Variants in SDCCAG8 observed in about 807,000 individuals in gnomAD.
The protein encoded by SDCCAG8 is SHH signaling and ciliogenesis regulator SDCCAG8, also known as serologically defined colon cancer antigen 8.
Under a neutral mutation model 101.8 loss-of-function variants are expected in SDCCAG8, and 74 were observed. That is an observed-to-expected ratio of 0.73 (90% CI 0.60 to 0.88). The LOEUF (loss-of-function observed/expected upper bound fraction) is 0.88, where lower values mean the gene tolerates loss of function less well. Among genes scored for constraint, SDCCAG8 ranks in the 40% least tolerant of loss-of-function variants. The probability of loss-of-function intolerance (pLI) is 0.00; values close to 1 mark genes in which losing one functional copy is unlikely to be tolerated. For missense variants in SDCCAG8, 787 were observed against 822.6 expected, an observed-to-expected ratio of 0.96 and a Z score of 0.53; for synonymous variants, 281 against 292.9, an observed-to-expected ratio of 0.96 and a Z score of 0.41.
intron 1 of SDCCAG8, 24 bp downstream of exon 1, chr1:243,256,264 C>T (rs748611172): frequency 6.2e-7 from 1 of 1,610,622 alleles, no homozygotes; most frequent in Non-Finnish European, 8.5e-7. Flanking sequence ...AACCTCTGTC[C>T]CTAGCCCCGA....
At position 243,489,067 on chromosome 1, in the gene SDCCAG8, T is replaced by A; in HGVS notation, c.2039T>A (p.Leu680His). ...GCCACAGCCCAGCAGCTGGTGCAGC[T>A]CCTCAGCAAGCAGAACCAGCTTCTC... ...SQATAQQLVQ[L>H]LSKQNQLLLE... The change falls in exon 17 of 18, where the codon CTC becomes CAC. Residue 680 changes from leucine (L) to histidine (H), a missense_variant. Transcript: ENST00000366541. The A allele has an allele frequency of 6.2e-7, 1 of 1,613,368 alleles. No individual in the cohort carries two copies. Among genetic ancestry groups the A allele is most frequent in the Non-Finnish European group, 8.5e-7 (1 of 1,180,006 alleles).
At chr1:243,292,812 T>C (rs1281979117) in intron 5 of SDCCAG8, among the ~76,000 whole-genome samples, 3 of 152,230 alleles carry the variant, frequency 2.0e-5, no homozygotes, top group Non-Finnish European at 2.9e-5. Flanking sequence ...AGTATATGTC[T>C]TCAGAGGAGT....
At chr1:243,303,395 A>G (rs2149312905) in intron 6 of SDCCAG8, among the ~76,000 whole-genome samples, 1 of 151,804 alleles carries the variant, frequency 6.6e-6, no homozygotes, top group African/African-American at 2.4e-5. Context: ...AGTGAGACAG[A>G]AATTACCACG....
intron 16 of SDCCAG8, among the ~76,000 whole-genome samples, chr1:243,448,367 A>C (rs1433459145): frequency 6.6e-6 from 1 of 152,244 alleles, no homozygotes; most frequent in East Asian, 1.9e-4. Flanking sequence ...AAGTGTGAAT[A>C]AAAGTAGAGA....
chr1:243,449,627 T>C (rs2083202276), intron 16 of SDCCAG8, among the ~76,000 whole-genome samples: 1 of 152,248 alleles, frequency 6.6e-6, no homozygotes, highest in African/African-American at 2.4e-5. Context: ...TCATTATTTT[T>C]GTGACCGACG....
intron 8 of SDCCAG8, among the ~76,000 whole-genome samples, chr1:243,311,767 T>TAA (rs11311919): frequency 6.7e-6 from 1 of 148,380 alleles, no homozygotes; most frequent in African/African-American, 2.5e-5. Flanking sequence ...ATTTAAAAAT[T>TAA]AAAAAAAAAA....
Position 243,349,350 on chromosome 1 carries a change from T to G in SDCCAG8, c.1473+5019T>G, listed in dbSNP as rs572437745. Reference sequence around the variant, plus strand: ...ATAAAGTTTTATTAGAACTCAGCCATACCTACTCATATATGTATCACCTAT... The same window carrying G: ...ATAAAGTTTTATTAGAACTCAGCCAGACCTACTCATATATGTATCACCTAT... On this transcript the variant is annotated intron_variant, in intron 12 of 17. Transcript: ENST00000366541. Among the ~76,000 whole-genome samples, 203 of 152,306 alleles carry G rather than the reference T, an allele frequency of 1.3e-3. 5 individuals carry two copies. The South Asian group carries it at 0.04, about 30-fold the overall frequency.
chr1:243,478,211 A>G (rs1204960053), intron 16 of SDCCAG8, among the ~76,000 whole-genome samples: 11 of 152,170 alleles, frequency 7.2e-5, no homozygotes, highest in Admixed American at 6.5e-4. Context: ...GAATAGAAGA[A>G]TGTCGGGCGT....
chr1:243,426,324 T>C (rs2081336233), intron 15 of SDCCAG8, 103 bp from the exon 16 acceptor site: 12 of 982,474 alleles, frequency 1.2e-5, no homozygotes, highest in Admixed American at 2.1e-5. Context: ...TATGCTATCA[T>C]GTTTAAGTGT....
chr1:243,378,775 GA>G lies in SDCCAG8; in HGVS notation c.1529del (p.Glu510GlyfsTer13). On this transcript the variant is annotated frameshift_variant, in exon 13 of 18. Transcript: ENST00000366541. LOFTEE classifies it high-confidence loss of function. ...TGAAAGCAAACAACACTTGGAACAG[GA>G]GCAGCAGAAGGCAGCCCTGGCCAGA... The part of the protein sequence containing the change: ...LDESKQHLEQ[E>X]QQKAALAREE... The G allele has an allele frequency of 6.2e-7, 1 of 1,614,050 alleles. No individual in the cohort carries two copies. The highest frequency in any genetic ancestry group is 8.5e-7 in the Non-Finnish European group (1 of 1,179,998).
At chr1:243,342,934 T>A (rs905186465) in intron 11 of SDCCAG8, among the ~76,000 whole-genome samples, 1 of 152,228 alleles carries the variant, frequency 6.6e-6, no homozygotes, top group Admixed American at 6.5e-5. Context: ...AATTTATTTT[T>A]AAAATTACTT....
intron 4 of SDCCAG8, among the ~76,000 whole-genome samples, chr1:243,284,405 C>T (rs1373985987): frequency 6.6e-6 from 1 of 152,186 alleles, no homozygotes; most frequent in Admixed American, 6.5e-5. Context: ...TGTTGAATTT[C>T]TCTGTCAGTA....
chr1:243,266,424 C>T (rs1467856170), intron 1 of SDCCAG8, among the ~76,000 whole-genome samples: 1 of 151,870 alleles, frequency 6.6e-6, no homozygotes, highest in East Asian at 1.9e-4. Flanking sequence ...TCAAGCAACT[C>T]TGTTGCCTCA....
chr1:243,481,639 C>T (rs1663779238), intron 16 of SDCCAG8, among the ~76,000 whole-genome samples: 1 of 152,124 alleles, frequency 6.6e-6, no homozygotes. Flanking sequence ...GAGGAAGACG[C>T]CGCTCCCAGG....
rs535144076 is a variant in SDCCAG8, at chr1:243,490,286, G to C, written c.2112+1146G>C. Among the ~76,000 whole-genome samples, 7 of 152,312 alleles carry C rather than the reference G, an allele frequency of 4.6e-5. No homozygotes were observed. In the East Asian group the frequency reaches 1.2e-3, roughly 25 times the overall value. ...GCCTGGAGGTGGAAATGCCTCTACTGTCCCCATGCTTCTGAGACTGCTCCC... is the reference window on the plus strand; with the variant it reads ...GCCTGGAGGTGGAAATGCCTCTACTCTCCCCATGCTTCTGAGACTGCTCCC... On this transcript the variant is annotated intron_variant, in intron 17 of 17. Transcript: ENST00000366541.
At chr1:243,274,735 A>G (rs1375128048) in intron 4 of SDCCAG8, 79 bp downstream of exon 4, 3 of 832,224 alleles carry the variant, frequency 3.6e-6, no homozygotes, top group African/African-American at 1.7e-5. Flanking sequence ...ATTTGCTGCT[A>G]TAAATCTTCA....
At chr1:243,426,077 G>A (rs954165127) in intron 15 of SDCCAG8, among the ~76,000 whole-genome samples, 3 of 152,050 alleles carry the variant, frequency 2.0e-5, no homozygotes, top group African/African-American at 4.8e-5. Flanking sequence ...TTAGGCCTAG[G>A]GTTTCTTCTT....
intron 13 of SDCCAG8, among the ~76,000 whole-genome samples, chr1:243,391,582 T>TAG (rs894478760): frequency 6.6e-6 from 1 of 151,540 alleles, no homozygotes; most frequent in African/African-American, 2.4e-5. Flanking sequence ...CCATGGAGGG[T>TAG]AGAGAGAGAG....
chr1:243,259,679 C>A (rs948700123), intron 1 of SDCCAG8, among the ~76,000 whole-genome samples: 1 of 151,844 alleles, frequency 6.6e-6, no homozygotes, highest in Non-Finnish European at 1.5e-5. Flanking sequence ...ATGAGCCAGG[C>A]GTGGTGGCAG....
Sources: gnomAD v4.1 joint callset for allele counts (sites outside exome capture counted in the v4.1 genomes callset) on GRCh38, gnomAD v4.1.1 for gene constraint, MANE v1.5 for transcripts, NCBI Gene and HGNC (gene_info 2026-07-23, HGNC 2026-07-21) for gene names.